PTPN3: variants seen among roughly 807,000 people sequenced by gnomAD.
The protein encoded by PTPN3 is protein tyrosine phosphatase non-receptor type 3, also known as tyrosine-protein phosphatase non-receptor type 3.
A neutral mutation model predicts 132.7 loss-of-function variants in PTPN3; 96 were observed. That is an observed-to-expected ratio of 0.72 (90% confidence interval 0.61 to 0.86). The LOEUF is 0.86. PTPN3 is among the 40% of genes least tolerant of loss of function. The probability of loss-of-function intolerance (pLI) is 0.00; values close to 1 mark genes in which losing one functional copy is unlikely to be tolerated. For missense variants in PTPN3, 1,125 were observed against 1,159.6 expected, an observed-to-expected ratio of 0.97 and a Z score of 0.43; for synonymous variants, 398 against 429.0, an observed-to-expected ratio of 0.93 and a Z score of 0.89.
intron 1 of PTPN3, among the ~76,000 whole-genome samples, chr9:109,490,014 T>G (rs750782574): frequency 1.3e-5 from 2 of 151,786 alleles, no homozygotes; most frequent in African/African-American, 2.4e-5. Flanking sequence ...AAACCTCATC[T>G]CTATTAAAAA....
At chr9:109,450,708 CA>C in intron 5 of PTPN3, 2 of 985,250 alleles carry the variant, frequency 2.0e-6, no homozygotes, top group South Asian at 9.4e-5. Context: ...TGGAGGCTCA[CA>C]ATGAAGAAGA....
upstream of PTPN3, among the ~76,000 whole-genome samples, chr9:109,499,825 A>G (rs948938337): frequency 3.9e-5 from 6 of 152,098 alleles, no homozygotes; most frequent in Non-Finnish European, 5.9e-5. Flanking sequence ...CGGAGCCCGG[A>G]GTCCAGGGGC....
chr9:109,507,203 A>C, the PTPN3 span, among the ~76,000 whole-genome samples: 1 of 152,230 alleles, frequency 6.6e-6, no homozygotes. Flanking sequence ...TAAGGATAAA[A>C]GAAAAGGAAA....
upstream of PTPN3, among the ~76,000 whole-genome samples, chr9:109,498,742 C>T (rs1011997839): frequency 1.1e-4 from 17 of 152,086 alleles, no homozygotes; most frequent in African/African-American, 3.6e-4. This position sits in a 1 kb window ranked among gnomAD's most constrained non-coding sequence, Gnocchi z 4.2. Context: ...TCGTGGGACC[C>T]CTACCTGATC....
chr9:109,391,504 A>G lies in PTPN3; in HGVS notation c.2011T>C (p.Leu671=). The G allele has an allele frequency of 6.2e-7, 1 of 1,614,036 alleles. No individual in the cohort carries two copies. The highest frequency in any genetic ancestry group is 8.5e-7 in the Non-Finnish European group (1 of 1,179,950). The change falls in exon 20 of 26, where the codon TTG becomes CTG. Residue 671 remains leucine (L), a synonymous_variant. Coordinates refer to ENST00000374541, the MANE Select transcript of PTPN3 (RefSeq NM_002829.4). ...ACATCTTTATATCGGTTTTTGTCCA[A>G]ATTTTGAGGCAGCTTTGCAAACGTG... ...AITFAKLPQN[L]DKNRYKDVLP... is the part of the protein sequence containing the mutation.
At chr9:109,447,706 G>A (rs937593842) in intron 6 of PTPN3, among the ~76,000 whole-genome samples, 1 of 152,118 alleles carries the variant, frequency 6.6e-6, no homozygotes, top group African/African-American at 2.4e-5. Context: ...TAGCTTCCTT[G>A]AAGGCTGTCC....
intron 15 of PTPN3, 25 bp downstream of exon 15, chr9:109,410,204 C>A: frequency 6.2e-7 from 1 of 1,611,398 alleles, no homozygotes; most frequent in South Asian, 1.1e-5. Flanking sequence ...GTGTGTGGAT[C>A]ACCCGGCTGC....
intron 1 of PTPN3, among the ~76,000 whole-genome samples, chr9:109,483,310 C>T (rs574378981): frequency 6.6e-6 from 1 of 152,260 alleles, no homozygotes; most frequent in African/African-American, 2.4e-5. Flanking sequence ...GGCTCCAGTG[C>T]CCCAGCTCGG....
At chr9:109,428,773 A>G in intron 10 of PTPN3, 89 bp from the exon 11 acceptor site, 1 of 1,492,984 alleles carries the variant, frequency 6.7e-7, no homozygotes, top group Non-Finnish European at 8.9e-7. Flanking sequence ...CCTTTACTCC[A>G]TGATCCTGAT....
chr9:109,405,713 C>T (rs1267342460), intron 18 of PTPN3, among the ~76,000 whole-genome samples: 1 of 152,234 alleles, frequency 6.6e-6, no homozygotes, highest in Non-Finnish European at 1.5e-5. Context: ...CCTCAGCCTC[C>T]TGAGTAGCTG....
At chr9:109,448,901 G>GAAA in intron 5 of PTPN3, 46 bp from the exon 6 acceptor site, 10 of 1,012,406 alleles carry the variant, frequency 9.9e-6, no homozygotes, top group South Asian at 2.9e-5. Context: ...ACTGAAATAA[G>GAAA]CAAAAAAAAA....
At chr9:109,389,476 C>T (rs1182471692) in intron 21 of PTPN3, 97 bp from the exon 22 acceptor site, 13 of 1,237,550 alleles carry the variant, frequency 1.1e-5, no homozygotes, top group Non-Finnish European at 1.4e-5. Flanking sequence ...TGATATTGCA[C>T]CAGAAAAATT....
At chr9:109,516,317 T>C in the PTPN3 span, among the ~76,000 whole-genome samples, 1 of 151,980 alleles carries the variant, frequency 6.6e-6, no homozygotes, top group Non-Finnish European at 1.5e-5. Context: ...TATAAGGTGG[T>C]GAGATAAAAA....
chr9:109,453,863 A>C lies in PTPN3; in HGVS notation c.368+633T>G, dbSNP rs966352011. Among the ~76,000 whole-genome samples, 3 of 151,424 alleles carry C rather than the reference A, an allele frequency of 2.0e-5. No homozygotes were observed. The South Asian group carries it at 6.3e-4, about 32-fold the overall frequency. ...TCTCCGTTAAAAAAAAAAAAAAAAAAAATTAGCCAGGCATGGTGGTACCTG... is the reference window on the plus strand; with the variant it reads ...TCTCCGTTAAAAAAAAAAAAAAAAACAATTAGCCAGGCATGGTGGTACCTG... On this transcript the variant is annotated intron_variant, in intron 5 of 25. Transcript: ENST00000374541.
At position 109,420,409 on chromosome 9, in the gene PTPN3, A is replaced by C; in HGVS notation, c.1313+15T>G. ...AAAGCAAATACCCAGAAATAAAACAACACGAGTTTCTTACTCTTGGTGCGG... is the reference window on the plus strand; with the variant it reads ...AAAGCAAATACCCAGAAATAAAACACCACGAGTTTCTTACTCTTGGTGCGG... On this transcript the variant is annotated intron_variant, in intron 14 of 25. Coordinates refer to ENST00000374541, the MANE Select transcript of PTPN3 (RefSeq NM_002829.4). The C allele has an allele frequency of 6.3e-7, 1 of 1,579,048 alleles. No homozygotes were observed. Among genetic ancestry groups the C allele is most frequent in the Non-Finnish European group, 8.6e-7 (1 of 1,156,780 alleles).
chr9:109,421,275 C>A (rs543871985), intron 13 of PTPN3, among the ~76,000 whole-genome samples: 5 of 152,146 alleles, frequency 3.3e-5, no homozygotes, highest in Non-Finnish European at 7.4e-5. Context: ...GTTCTCAGGG[C>A]ATCCAGTGTG....
chr9:109,495,709 C>T (rs1289470513), intron 1 of PTPN3, among the ~76,000 whole-genome samples: 1 of 152,204 alleles, frequency 6.6e-6, no homozygotes, highest in African/African-American at 2.4e-5. Context: ...TAAGATTTGT[C>T]TCTGACCTTG....
intron 22 of PTPN3, among the ~76,000 whole-genome samples, chr9:109,386,141 A>C (rs1174993168): frequency 6.6e-5 from 10 of 152,236 alleles, no homozygotes; most frequent in Admixed American, 3.3e-4. Context: ...ACTGGTGGGC[A>C]GTGATGAAGA....
chr9:109,467,365 C>A (rs1588474870), intron 1 of PTPN3, among the ~76,000 whole-genome samples: 1 of 151,940 alleles, frequency 6.6e-6, no homozygotes, highest in Non-Finnish European at 1.5e-5. Context: ...ACCTGCCTGT[C>A]CCCGCACCCC....
Sources: allele counts gnomAD v4.1 joint callset (sites outside exome capture counted in the v4.1 genomes callset), GRCh38; gene constraint gnomAD v4.1.1; non-coding constraint Gnocchi (gnomAD v3.1); transcripts MANE v1.5; gene names NCBI Gene and HGNC (gene_info 2026-07-23, HGNC 2026-07-21).